The following ZNF622 variants were observed in gnomAD, a reference collection of about 807,000 sequenced individuals.
The protein encoded by ZNF622 is cytoplasmic 60S subunit biogenesis factor ZNF622.
Under a neutral mutation model 49.7 loss-of-function variants are expected in ZNF622, and 34 were observed. That is an observed-to-expected ratio of 0.68 (90% CI 0.52 to 0.91). The LOEUF is 0.91. ZNF622 is among the 40% of genes least tolerant of loss of function. ZNF622 has a pLI of 0.00. For synonymous variants in ZNF622, 209 were observed against 228.7 expected (o/e 0.91, Z 0.78); for missense variants, 569 against 616.4 (o/e 0.92, Z 0.81).
intron 3 of ZNF622, among the ~76,000 whole-genome samples, chr5:16,462,265 T>C (rs13355392): frequency 0.044 from 6,656 of 152,300 alleles, 507 homozygotes; most frequent in African/African-American, 0.15. Flanking sequence ...ATGGTAATTA[T>C]ACACATCTGC....
intron 3 of ZNF622, among the ~76,000 whole-genome samples, chr5:16,461,616 T>C (rs1275379751): frequency 6.6e-6 from 1 of 152,136 alleles, no homozygotes; most frequent in Non-Finnish European, 1.5e-5. Flanking sequence ...AATAGAAGAA[T>C]AAAGGAAGAC....
Position 16,465,373 on chromosome 5 carries a change from G to T in ZNF622, c.293C>A (p.Ala98Asp). The T allele has an allele frequency of 1.2e-6, 2 of 1,614,226 alleles. No homozygotes were observed. Among genetic ancestry groups the T allele is most frequent in the Admixed American group, 1.7e-5 (1 of 60,036 alleles). The change falls in exon 1 of 6, where the codon GCC becomes GAC. Residue 98 changes from alanine (A) to aspartate (D), a missense_variant. Transcript: ENST00000308683. This position sits in a 1 kb window ranked among gnomAD's most constrained non-coding sequence, Gnocchi z 6.2. ...CACTTTCCGATTCACTGCCTGCACG[G>T]CCTTCTTCTCCAGCTCAACGTGACG... ...SRRHVELEKK[A>D]VQAVNRKVEM...
chr5:16,458,682 A>G, intron 3 of ZNF622, 53 bp from the exon 4 acceptor site: 1 of 1,330,316 alleles, frequency 7.5e-7, no homozygotes, highest in Non-Finnish European at 1.1e-6. Flanking sequence ...AATTGAACTA[A>G]AAGACATAAA....
intron 4 of ZNF622, among the ~76,000 whole-genome samples, chr5:16,456,040 C>CCGA (rs1285833622): frequency 2.6e-5 from 4 of 152,222 alleles, no homozygotes; most frequent in Non-Finnish European, 5.9e-5. Flanking sequence ...AAGCATGCGA[C>CCGA]CTGTCCATCT....
chr5:16,455,017 A>G (rs27452), intron 4 of ZNF622, among the ~76,000 whole-genome samples: 100,709 of 152,062 alleles, frequency 0.66, 33,527 homozygotes, highest in Non-Finnish European at 0.7. Context: ...CTAAATACAC[A>G]CTATCCTTTC....
chr5:16,460,963 C>A (rs1290230963), intron 3 of ZNF622, among the ~76,000 whole-genome samples: 1 of 151,632 alleles, frequency 6.6e-6, no homozygotes, highest in Non-Finnish European at 1.5e-5. Context: ...AAGGAGGAGA[C>A]AATAAATAAT....
At chr5:16,453,637 T>C (rs1737974693) in intron 4 of ZNF622, among the ~76,000 whole-genome samples, 1 of 143,188 alleles carries the variant, frequency 7.0e-6, no homozygotes, top group Non-Finnish European at 1.5e-5. Context: ...GTTCTGATGT[T>C]TGGGACTACA....
intron 4 of ZNF622, among the ~76,000 whole-genome samples, chr5:16,455,486 G>A (rs1738011539): frequency 6.6e-6 from 1 of 152,196 alleles, no homozygotes; most frequent in Non-Finnish European, 1.5e-5. Flanking sequence ...ATGGTCTTTG[G>A]ATACTAGTGT....
chr5:16,463,371 C>A lies in ZNF622; in HGVS notation c.887-101G>T. 6.6e-7 allele frequency: 1 copy of A among 1,507,094 alleles called. No homozygotes were observed. The allele number at this position is 1,507,094 out of a possible 1,614,324, so 93.4% of individuals were successfully genotyped here. On this transcript the variant is annotated intron_variant, in intron 2 of 5. Coordinates refer to ENST00000308683, the MANE Select transcript of ZNF622 (RefSeq NM_033414.3). This position sits in a 1 kb window ranked among gnomAD's most constrained non-coding sequence, Gnocchi z 4.2. ...AACTCAAAAATCATTCACAAAATAA[C>A]CAAGCAATTATATCAAAGATTGATG...
intron 3 of ZNF622, among the ~76,000 whole-genome samples, chr5:16,459,110 C>A (rs1738081999): frequency 6.6e-6 from 1 of 152,108 alleles, no homozygotes; most frequent in South Asian, 2.1e-4. Flanking sequence ...AATTAAACTT[C>A]CAATTTATTT....
chr5:16,459,111 C>T (rs114095197), intron 3 of ZNF622, among the ~76,000 whole-genome samples: 2,153 of 152,128 alleles, frequency 0.014, 49 homozygotes, highest in African/African-American at 0.048. Flanking sequence ...ATTAAACTTC[C>T]AATTTATTTA....
chr5:16,452,720 G>C (rs1028599073), intron 5 of ZNF622, among the ~76,000 whole-genome samples: 22 of 152,066 alleles, frequency 1.4e-4, no homozygotes, highest in African/African-American at 5.3e-4. Context: ...ATAACCTCCA[G>C]GATAATTTCA....
Position 16,458,649 on chromosome 5 carries a change from C to T in ZNF622, c.1050-20G>A, listed in dbSNP as rs754750681. On this transcript the variant is annotated intron_variant, in intron 3 of 5. Transcript: ENST00000308683. ...CTACTCCTATAACAGAGAAATTGCA[C>T]TAATAAATAGACTAATATCTCAAAT... The T allele has an allele frequency of 3.3e-6, 5 of 1,515,608 alleles. No individual in the cohort carries two copies. Among genetic ancestry groups the T allele is most frequent in the Non-Finnish European group, 4.5e-6 (5 of 1,104,606 alleles). 93.9% of individuals were successfully genotyped at this position (1,515,608 alleles called of 1,614,324 possible).
intron 4 of ZNF622, among the ~76,000 whole-genome samples, chr5:16,454,726 G>A (rs768690667): frequency 5.9e-5 from 9 of 152,232 alleles, no homozygotes; most frequent in Non-Finnish European, 8.8e-5. Context: ...ACACAGCCAC[G>A]CTCAACTGTG....
At chr5:16,461,892 AG>A (rs1344785451) in intron 3 of ZNF622, among the ~76,000 whole-genome samples, 1 of 152,214 alleles carries the variant, frequency 6.6e-6, no homozygotes, top group Non-Finnish European at 1.5e-5. Context: ...ATATAACCAC[AG>A]GATGAGAGAC....
intron 4 of ZNF622, among the ~76,000 whole-genome samples, chr5:16,457,544 C>T (rs1383237143): frequency 6.6e-6 from 1 of 152,156 alleles, no homozygotes; most frequent in Non-Finnish European, 1.5e-5. Context: ...ACCTTTCCTC[C>T]TATTGCCACA....
rs1005975259 is a variant in ZNF622 at position 16,463,940 on chromosome 5, T to C, written c.626-198A>G. Among the ~76,000 whole-genome samples, 2 of 152,230 alleles carry C rather than the reference T, an allele frequency of 1.3e-5. No homozygotes were observed. Among genetic ancestry groups the C allele is most frequent in the African/African-American group, 2.4e-5 (1 of 41,466 alleles). ...TCATCTGAATGGCCATGAAACTCCTTAGTCTTTCTTTTCCAGGAAACAGGA... is the reference window on the plus strand; with the variant it reads ...TCATCTGAATGGCCATGAAACTCCTCAGTCTTTCTTTTCCAGGAAACAGGA... On this transcript the variant is annotated intron_variant, in intron 1 of 5. Transcript: ENST00000308683. The surrounding 1 kb of genome is among the most constrained non-coding windows in gnomAD (Gnocchi z 4.2).
Position 16,463,238 on chromosome 5 carries a change from A to G in ZNF622, c.919T>C (p.Trp307Arg). 1 of 1,607,828 alleles carries G rather than the reference A, an allele frequency of 6.2e-7. No homozygotes were observed. The highest frequency in any genetic ancestry group is 8.5e-7 in the Non-Finnish European group (1 of 1,178,738). Residue 307 changes from tryptophan to arginine, a missense_variant, in exon 3 of 6, where the codon TGG (tryptophan) becomes CGG (arginine). Trp to Arg is a moderately radical substitution (Grantham distance 101). Transcript: ENST00000308683. The surrounding 1 kb of genome is among the most constrained non-coding windows in gnomAD (Gnocchi z 4.2). ...AAGGACTTCCCTTTCTCGTTGCACC[A>G]CAAGCAAATCTTGCCAACACCAACT... The part of the protein sequence containing the change: ...EKVGVGKICL[W>R]CNEKGKSFYS...
At position 16,453,052 on chromosome 5, in the gene ZNF622, G is replaced by T. The variant is rs760332603; in HGVS notation, c.1267C>A (p.Leu423Ile). 2 of 1,576,338 alleles carry T rather than the reference G, an allele frequency of 1.3e-6. No homozygotes were observed. The highest frequency in any genetic ancestry group is 2.3e-5 in the South Asian group (2 of 86,604). Residue 423 changes from leucine to isoleucine, a missense_variant, in exon 5 of 6, where the codon CTT becomes ATT. Leu to Ile is a conservative substitution (Grantham distance 5). Transcript: ENST00000308683. ...CATCCCAGGGCTCTGTACTGCTGAA[G>T]TACTCGGCCCACGGCCTTCCGATTT... The part of the protein sequence containing the change: ...AKNRKAVGRV[L>I]QQYRALGWTG...
Sources: allele counts gnomAD v4.1 joint callset (sites outside exome capture counted in the v4.1 genomes callset), GRCh38; gene constraint gnomAD v4.1.1; non-coding constraint Gnocchi (gnomAD v3.1); transcripts MANE v1.5; gene names NCBI Gene and HGNC (gene_info 2026-07-23, HGNC 2026-07-21).